The following CAMKMT variants were observed in gnomAD, a reference collection of about 807,000 sequenced individuals.
The protein encoded by CAMKMT is calmodulin-lysine N-methyltransferase, also known as CaM KMT.
Under a neutral mutation model 48.0 loss-of-function variants are expected in CAMKMT, and 53 were observed. The ratio of observed to expected loss-of-function variants is 1.10; its 90% CI spans 0.89 to 1.39. The LOEUF (loss-of-function observed/expected upper bound fraction) is 1.39. Among genes scored for constraint, CAMKMT ranks in the 40% most tolerant of loss-of-function variants. CAMKMT has a pLI of 0.00. For synonymous variants in CAMKMT, 165 were observed against 152.3 expected (o/e 1.08, Z -0.61); for missense variants, 428 against 402.7 (o/e 1.06, Z -0.54).
intron 3 of CAMKMT, among the ~76,000 whole-genome samples, chr2:44,493,436 C>G (rs190346607): frequency 1.3e-5 from 2 of 152,266 alleles, no homozygotes; most frequent in East Asian, 1.9e-4. Context: ...CTTTCTCTGT[C>G]TCTCTCAAGT....
intron 3 of CAMKMT, among the ~76,000 whole-genome samples, chr2:44,539,485 C>G (rs1666972920): frequency 6.6e-6 from 1 of 152,096 alleles, no homozygotes; most frequent in Non-Finnish European, 1.5e-5. Flanking sequence ...TTATCAAAAT[C>G]AGGAAATTTG....
chr2:44,580,243 A>AAAGATAAAATAAAAT (rs1553418849), intron 3 of CAMKMT, among the ~76,000 whole-genome samples: 2 of 139,946 alleles, frequency 1.4e-5, no homozygotes, highest in Non-Finnish European at 3.1e-5. Context: ...ATCAGGGCTC[A>AAAGATAAAATAAAAT]AAAATAAAAT....
chr2:44,398,526 G>A (rs1416281079), intron 3 of CAMKMT, among the ~76,000 whole-genome samples: 2 of 151,150 alleles, frequency 1.3e-5, no homozygotes, highest in Non-Finnish European at 3.0e-5. Context: ...CCAAATGCGG[G>A]CTTTGTTTTA....
At chr2:44,411,549 C>T (rs57800020) in intron 3 of CAMKMT, among the ~76,000 whole-genome samples, 11,317 of 152,074 alleles carry the variant, frequency 0.074, 1,316 homozygotes, top group African/African-American at 0.25. Context: ...AATAGTCTGT[C>T]GGTGCCTCAT....
chr2:44,382,903 T>A (rs1680399896), intron 2 of CAMKMT, among the ~76,000 whole-genome samples: 1 of 152,220 alleles, frequency 6.6e-6, no homozygotes, highest in Non-Finnish European at 1.5e-5. Context: ...TATGTTTTAG[T>A]TTGCTTGGCT....
chr2:44,386,160 T>C (rs1680760273), intron 2 of CAMKMT, among the ~76,000 whole-genome samples: 1 of 152,086 alleles, frequency 6.6e-6, no homozygotes, highest in Non-Finnish European at 1.5e-5. Context: ...CTGCTTGTTA[T>C]TGTTCTGTTC....
intron 8 of CAMKMT, among the ~76,000 whole-genome samples, chr2:44,747,911 T>C (rs546806148): frequency 2.0e-5 from 3 of 152,278 alleles, no homozygotes; most frequent in Non-Finnish European, 2.9e-5. Flanking sequence ...TGCCCTTTAA[T>C]GGTCAAACTA....
chr2:44,556,892 G>C (rs1236837535), intron 3 of CAMKMT, among the ~76,000 whole-genome samples: 1 of 151,938 alleles, frequency 6.6e-6, no homozygotes, highest in East Asian at 1.9e-4. Flanking sequence ...AGCCTGGCAA[G>C]ATAATGAGAC....
chr2:44,627,399 A>G (rs917573187), intron 3 of CAMKMT, among the ~76,000 whole-genome samples: 1 of 152,138 alleles, frequency 6.6e-6, no homozygotes, highest in African/African-American at 2.4e-5. Flanking sequence ...CTGGACTCGT[A>G]AAATACACTG....
At chr2:44,541,308 G>A (rs933529886) in intron 3 of CAMKMT, among the ~76,000 whole-genome samples, 1 of 152,144 alleles carries the variant, frequency 6.6e-6, no homozygotes, top group African/African-American at 2.4e-5. Flanking sequence ...TCTTTATGCT[G>A]TTGAGTCATT....
At chr2:44,542,496 TACACACACACACACAC>T (rs371102222) in intron 3 of CAMKMT, among the ~76,000 whole-genome samples, 99 of 134,182 alleles carry the variant, frequency 7.4e-4, no homozygotes, top group African/African-American at 2.1e-3. Context: ...CACATACACA[TACACACACACACACAC>T]ACACACACAC....
Position 44,480,854 on chromosome 2 carries a change from A to G in CAMKMT, c.376+90549A>G, listed in dbSNP as rs142267356. Among the ~76,000 whole-genome samples the G allele has an allele frequency of 2.2e-3, 330 of 152,212 alleles. 1 individual carries two copies. In the Middle Eastern group the frequency reaches 0.027, roughly 13 times the overall value. On this transcript the variant is annotated intron_variant, in intron 3 of 10. Transcript: ENST00000378494. Reference sequence around the variant, plus strand: ...TGAATACATTATTTCAAATTAAAACATACATATTTATATGTATTATACATA... The same window carrying G: ...TGAATACATTATTTCAAATTAAAACGTACATATTTATATGTATTATACATA...
intron 3 of CAMKMT, among the ~76,000 whole-genome samples, chr2:44,598,984 A>G (rs1356034322): frequency 2.0e-5 from 3 of 151,984 alleles, no homozygotes; most frequent in East Asian, 1.9e-4. Flanking sequence ...TTGTCTGTGC[A>G]GGGCTCACCT....
chr2:44,702,619 T>A (rs1677316917), intron 3 of CAMKMT, among the ~76,000 whole-genome samples: 3 of 152,164 alleles, frequency 2.0e-5, no homozygotes, highest in Non-Finnish European at 4.4e-5. Context: ...GCCCAATAAG[T>A]CTGGTTCCAA....
At chr2:44,409,112 T>C in intron 3 of CAMKMT, among the ~76,000 whole-genome samples, 1 of 3,928 alleles carries the variant, frequency 2.5e-4, no homozygotes, top group East Asian at 0.013. Context: ...TATATATATA[T>C]ATATATATAT....
intron 3 of CAMKMT, among the ~76,000 whole-genome samples, chr2:44,523,044 A>C (rs1671202169): frequency 6.6e-6 from 1 of 152,166 alleles, no homozygotes; most frequent in South Asian, 2.1e-4. Context: ...CCTCTAGAGT[A>C]CTGTTCCAAA....
At chr2:44,574,527 C>G (rs1245926749) in intron 3 of CAMKMT, among the ~76,000 whole-genome samples, 1 of 151,918 alleles carries the variant, frequency 6.6e-6, no homozygotes, top group Non-Finnish European at 1.5e-5. Flanking sequence ...AATCCTTTGT[C>G]TTCTCTAGGA....
At chr2:44,692,011 C>T (rs776598758) in intron 3 of CAMKMT, among the ~76,000 whole-genome samples, 19 of 152,146 alleles carry the variant, frequency 1.2e-4, no homozygotes, top group South Asian at 8.3e-4. Flanking sequence ...TGGGTCAAAG[C>T]GGGAGGACAA....
chr2:44,649,165 A>T lies in CAMKMT; in HGVS notation c.377-55118A>T, dbSNP rs140416850. Among the ~76,000 whole-genome samples the T allele has an allele frequency of 1.3e-4, 20 of 152,218 alleles. No individual in the cohort carries two copies. In the South Asian group the frequency reaches 1.5e-3, roughly 11 times the overall value. Reference sequence around the variant, plus strand: ...GTTTTTCCCTTCAGTGAGGGGGGGAAAATGGTTTGATAATTAAAAGCCTAG... The same window carrying T: ...GTTTTTCCCTTCAGTGAGGGGGGGATAATGGTTTGATAATTAAAAGCCTAG... On this transcript the variant is annotated intron_variant, in intron 3 of 10. Coordinates refer to ENST00000378494, the MANE Select transcript of CAMKMT (RefSeq NM_024766.5).
Sources: gnomAD v4.1 joint callset for allele counts (sites outside exome capture counted in the v4.1 genomes callset) on GRCh38, gnomAD v4.1.1 for gene constraint, MANE v1.5 for transcripts, NCBI Gene and HGNC (gene_info 2026-07-23, HGNC 2026-07-21) for gene names.